AMD1: variants seen among roughly 807,000 people sequenced by gnomAD.
The protein encoded by AMD1 is S-adenosylmethionine decarboxylase proenzyme.
Under a neutral mutation model 40.2 loss-of-function variants are expected in AMD1, and 11 were observed. That is an observed-to-expected ratio of 0.27 (90% CI 0.17 to 0.45). AMD1 has a LOEUF of 0.45. AMD1 is among the 20% of genes least tolerant of loss of function. The pLI is 1.00. For synonymous variants in AMD1, 121 were observed against 130.8 expected, an observed-to-expected ratio of 0.93 and a Z score of 0.51; for missense variants, 257 against 410.2, an observed-to-expected ratio of 0.63 and a Z score of 3.23.
At chr6:110,872,300 G>A (rs1784932642), upstream of AMD1, among the ~76,000 whole-genome samples, 1 of 152,128 alleles carries the variant, frequency 6.6e-6, no homozygotes, top group Admixed American at 6.6e-5. Context: ...GTAGAAGTGG[G>A]GTCAAGTAAG....
the AMD1 span, among the ~76,000 whole-genome samples, chr6:110,855,063 C>CTTTTTTTTTTTT: frequency 9.3e-6 from 1 of 107,336 alleles, no homozygotes; most frequent in Non-Finnish European, 2.0e-5. Flanking sequence ...TTCTCTCTCT[C>CTTTTTTTTTTTT]TCTTTTTTTT....
chr6:110,855,881 G>A, the AMD1 span, among the ~76,000 whole-genome samples: 1 of 152,060 alleles, frequency 6.6e-6, no homozygotes, highest in Non-Finnish European at 1.5e-5. Context: ...AGGAGTTGGA[G>A]ACCAGCCCTG....
the AMD1 span, among the ~76,000 whole-genome samples, chr6:110,821,276 A>G: frequency 6.6e-6 from 1 of 152,264 alleles, no homozygotes; most frequent in East Asian, 1.9e-4. Flanking sequence ...GAGACCCAAC[A>G]TGTTCTATTT....
At chr6:110,814,861 C>T in the AMD1 span, 415 of 1,054,598 alleles carry the variant, frequency 3.9e-4, 5 homozygotes, top group African/African-American at 6.0e-3. Context: ...ACGGGCGCCC[C>T]TCGGAGTCGG....
chr6:110,834,816 G>A, the AMD1 span, among the ~76,000 whole-genome samples: 1 of 151,556 alleles, frequency 6.6e-6, no homozygotes, highest in Non-Finnish European at 1.5e-5. Context: ...GGGTGTGGTG[G>A]TGCATGCCTG....
the AMD1 span, among the ~76,000 whole-genome samples, chr6:110,835,555 C>T: frequency 1.3e-5 from 2 of 152,030 alleles, no homozygotes; most frequent in Non-Finnish European, 2.9e-5. Flanking sequence ...TCTTCCAAAT[C>T]TTGGCAAATT....
chr6:110,814,829 C>T, the AMD1 span: 4 of 812,842 alleles, frequency 4.9e-6, no homozygotes, highest in Middle Eastern at 2.2e-4. Flanking sequence ...CGCGACGGGG[C>T]CGCGCGGGGG....
At chr6:110,886,741 T>C (rs7757511) in intron 1 of AMD1, among the ~76,000 whole-genome samples, 131,488 of 152,266 alleles carry the variant, frequency 0.86, 56,948 homozygotes, top group Middle Eastern at 0.95. Flanking sequence ...CCACTGCACT[T>C]CAACCTGGGC....
intron 6 of AMD1, 137 bp downstream of exon 6, chr6:110,892,580 T>C (rs1237142810): frequency 7.1e-7 from 1 of 1,415,504 alleles, no homozygotes; most frequent in Non-Finnish European, 9.7e-7. Context: ...TGGGGGTTTG[T>C]CGTACACAGT....
the AMD1 span, among the ~76,000 whole-genome samples, chr6:110,869,489 T>C: frequency 6.9e-6 from 1 of 145,212 alleles, no homozygotes; most frequent in African/African-American, 2.6e-5. Context: ...TATCTTTACA[T>C]GATGTTTTAC....
chr6:110,885,488 T>C (rs892976902), intron 1 of AMD1, among the ~76,000 whole-genome samples: 27 of 152,124 alleles, frequency 1.8e-4, no homozygotes, highest in Non-Finnish European at 1.8e-4. Flanking sequence ...TGGTATGCAG[T>C]GGCAAGATCT....
At chr6:110,865,823 T>C in the AMD1 span, among the ~76,000 whole-genome samples, 2 of 151,518 alleles carry the variant, frequency 1.3e-5, no homozygotes, top group Non-Finnish European at 2.9e-5. Flanking sequence ...AGTGCAGTGG[T>C]GCAATCTCGG....
At chr6:110,829,402 G>A in the AMD1 span, among the ~76,000 whole-genome samples, 2 of 151,318 alleles carry the variant, frequency 1.3e-5, no homozygotes, top group African/African-American at 4.9e-5. Flanking sequence ...GACATCGGCC[G>A]GGCATGGTGG....
chr6:110,815,233 G>C, the AMD1 span: 22 of 1,171,912 alleles, frequency 1.9e-5, no homozygotes, highest in East Asian at 3.8e-5. Flanking sequence ...TTCTCCAACA[G>C]CCGCCTCTCG....
At chr6:110,869,521 T>G in the AMD1 span, among the ~76,000 whole-genome samples, 1 of 151,326 alleles carries the variant, frequency 6.6e-6, no homozygotes, top group African/African-American at 2.4e-5. Context: ...TTTTTTTTCT[T>G]TTTTGGACAC....
the AMD1 span, among the ~76,000 whole-genome samples, chr6:110,865,258 T>G: frequency 6.6e-6 from 1 of 152,230 alleles, no homozygotes; most frequent in South Asian, 2.1e-4. Flanking sequence ...AAATTTCAGA[T>G]GGGTAGCTGA....
At chr6:110,818,492 G>A in the AMD1 span, among the ~76,000 whole-genome samples, 1 of 152,118 alleles carries the variant, frequency 6.6e-6, no homozygotes, top group African/African-American at 2.4e-5. Flanking sequence ...CATAGCTCAA[G>A]GGGAAAGTAT....
chr6:110,827,778 A>C, the AMD1 span, among the ~76,000 whole-genome samples: 3 of 152,004 alleles, frequency 2.0e-5, no homozygotes, highest in Non-Finnish European at 1.5e-5. Context: ...AAAAAAAAAA[A>C]AAAACACTAC....
the AMD1 span, among the ~76,000 whole-genome samples, chr6:110,841,805 T>G: frequency 6.6e-6 from 1 of 151,844 alleles, no homozygotes; most frequent in African/African-American, 2.4e-5. Flanking sequence ...ATTTATTTAT[T>G]TATTTATTTA....
Sources: gnomAD v4.1 joint callset for allele counts (sites outside exome capture counted in the v4.1 genomes callset) on GRCh38, gnomAD v4.1.1 for gene constraint, MANE v1.5 for transcripts, NCBI Gene and HGNC (gene_info 2026-07-23, HGNC 2026-07-21) for gene names.